The following CLRN1 variants were observed in gnomAD, a reference collection of about 807,000 sequenced individuals.
The protein encoded by CLRN1 is clarin-1.
Under a neutral mutation model 18.7 loss-of-function variants are expected in CLRN1, and 15 were observed. That is an observed-to-expected ratio of 0.80 (90% CI 0.54 to 1.23). The LOEUF is 1.23. Ranked by LOEUF, CLRN1 falls within the 50% of genes most tolerant of loss-of-function variation. The pLI, the probability that CLRN1 is intolerant of heterozygous loss-of-function variation, is 0.00. For synonymous variants in CLRN1, 104 were observed against 102.9 expected, an observed-to-expected ratio of 1.01 and a Z score of -0.07; for missense variants, 311 against 277.5, an observed-to-expected ratio of 1.12 and a Z score of -0.86.
At chr3:150,930,632 G>A (rs1022059339) in intron 2 of CLRN1, among the ~76,000 whole-genome samples, 1 of 152,144 alleles carries the variant, frequency 6.6e-6, no homozygotes, top group Admixed American at 6.5e-5. Flanking sequence ...CAAAAAGGCT[G>A]CAGTGCTGTT....
At chr3:150,936,647 A>T (rs1407339452) in intron 2 of CLRN1, among the ~76,000 whole-genome samples, 2 of 152,198 alleles carry the variant, frequency 1.3e-5, no homozygotes, top group Non-Finnish European at 2.9e-5. Context: ...AGAGAGGTAA[A>T]TCAGCTATCA....
intron 1 of CLRN1, among the ~76,000 whole-genome samples, chr3:150,958,887 T>C (rs564805883): frequency 6.6e-6 from 1 of 152,324 alleles, no homozygotes; most frequent in Non-Finnish European, 1.5e-5. Context: ...CAGTTCCAGG[T>C]CAGCGAATTT....
rs781589419 is a variant in CLRN1, at chr3:150,926,648, G to C, written c.*1288C>G. 1 of 833,828 alleles carries C rather than the reference G, an allele frequency of 1.2e-6. No homozygotes were observed. The highest frequency in any genetic ancestry group is 2.0e-5 in the Admixed American group (1 of 50,030). The allele number at this position is 833,828 out of a possible 1,614,324, so 51.7% of individuals were successfully genotyped here. On this transcript the variant is annotated 3_prime_UTR_variant, in exon 3 of 3. Transcript: ENST00000327047. ...AGAGCAAGTTATTTCTCAGGTATACGGTTGTTTCATCCTTGTAAATAGTTC... is the reference window on the plus strand; with the variant it reads ...AGAGCAAGTTATTTCTCAGGTATACCGTTGTTTCATCCTTGTAAATAGTTC...
At chr3:150,943,785 A>G (rs779414305) in intron 1 of CLRN1, 4 of 1,613,704 alleles carry the variant, frequency 2.5e-6, no homozygotes, top group Non-Finnish European at 3.4e-6. Context: ...ATTGTAACAC[A>G]CCCTCTGGGG....
chr3:150,966,640 TA>T (rs1477998505), intron 1 of CLRN1, among the ~76,000 whole-genome samples: 4 of 152,214 alleles, frequency 2.6e-5, no homozygotes, highest in Admixed American at 6.5e-5. Context: ...TCCCTTTCTT[TA>T]ACATGCAATT....
chr3:150,955,507 C>T (rs1714694889), intron 1 of CLRN1, among the ~76,000 whole-genome samples: 1 of 152,052 alleles, frequency 6.6e-6, no homozygotes, highest in African/African-American at 2.4e-5. Flanking sequence ...TGATAGGACC[C>T]AGTGTGTTTT....
intron 1 of CLRN1, among the ~76,000 whole-genome samples, chr3:150,964,519 C>T (rs1397837374): frequency 6.6e-6 from 1 of 152,116 alleles, no homozygotes; most frequent in Non-Finnish European, 1.5e-5. Context: ...GACCTAGAAC[C>T]AGAAATGCCA....
In CLRN1 at chr3:150,943,089, C is replaced by T. The variant is rs561200609; in HGVS notation, c.254-1328G>A. Among the ~76,000 whole-genome samples the T allele has an allele frequency of 3.9e-5, 6 of 152,188 alleles. No homozygotes were observed. In the South Asian group the frequency reaches 8.3e-4, roughly 21 times the overall value. On this transcript the variant is annotated intron_variant, in intron 1 of 2. Coordinates refer to ENST00000327047, the MANE Select transcript of CLRN1 (RefSeq NM_174878.3). ...AGGAGAGACCCTATCAAGAACTGTC[C>T]GGGTGAATTAGTAAATTTTTGTTTT...
intron 1 of CLRN1, chr3:150,943,892 C>G: frequency 1.9e-6 from 3 of 1,613,892 alleles, no homozygotes; most frequent in Non-Finnish European, 2.5e-6. Context: ...TTCCTGCACT[C>G]GTTCACTCGT....
At position 150,931,712 on chromosome 3, in the gene CLRN1, C is replaced by A. The variant is rs117409695; in HGVS notation, c.434-3511G>T. Among the ~76,000 whole-genome samples, 4 of 152,318 alleles carry A rather than the reference C, an allele frequency of 2.6e-5. No homozygotes were observed. In the East Asian group the frequency reaches 7.7e-4, roughly 29 times the overall value. On this transcript the variant is annotated intron_variant, in intron 2 of 2. Transcript: ENST00000327047. ...GAAGAGAAGTGGGTTTTCATTCATA[C>A]TCTTGCCCAAGACTTCACAAACGGT...
intron 1 of CLRN1, among the ~76,000 whole-genome samples, chr3:150,942,051 A>G (rs1451968969): frequency 6.6e-6 from 1 of 152,022 alleles, no homozygotes; most frequent in African/African-American, 2.4e-5. Flanking sequence ...TTATAACCCA[A>G]ATCTGTACAT....
intron 2 of CLRN1, among the ~76,000 whole-genome samples, chr3:150,935,964 T>C (rs945091788): frequency 3.3e-5 from 5 of 151,898 alleles, no homozygotes; most frequent in Non-Finnish European, 5.9e-5. Flanking sequence ...TGTCTGTTCA[T>C]GTCCTTCACC....
At chr3:150,936,408 T>A (rs963487456) in intron 2 of CLRN1, among the ~76,000 whole-genome samples, 2 of 152,186 alleles carry the variant, frequency 1.3e-5, no homozygotes, top group African/African-American at 4.8e-5. Flanking sequence ...AGACTCGATG[T>A]GCCCCAAATG....
intron 1 of CLRN1, among the ~76,000 whole-genome samples, chr3:150,960,967 G>C (rs544123788): frequency 6.6e-6 from 1 of 152,346 alleles, no homozygotes; most frequent in South Asian, 2.1e-4. Flanking sequence ...GGCAGATTTG[G>C]AAACAGGGGA....
In CLRN1 at chr3:150,972,417, C is replaced by A. The variant is rs7644922; in HGVS notation, c.253+39G>T. ...TCCTCGCAACACTGGGAAGAGTCTG[C>A]CTAAAGCATTAAATAACTCAAATGC... On this transcript the variant is annotated intron_variant, in intron 1 of 2. Transcript: ENST00000327047. 5.1e-3 allele frequency: 8,204 copies of A among 1,613,918 alleles called. 330 individuals are homozygous for A. In the African/African-American group the frequency reaches 0.093, roughly 18 times the overall value.
intron 2 of CLRN1, among the ~76,000 whole-genome samples, chr3:150,935,360 G>A (rs1047710444): frequency 5.6e-5 from 8 of 142,956 alleles, no homozygotes; most frequent in Middle Eastern, 3.6e-3. Context: ...TGTTCTCATC[G>A]TTCAATTCCC....
At chr3:150,931,391 G>C (rs1713135809) in intron 2 of CLRN1, among the ~76,000 whole-genome samples, 1 of 152,188 alleles carries the variant, frequency 6.6e-6, no homozygotes, top group Non-Finnish European at 1.5e-5. Context: ...CTCTCTTCTG[G>C]AGAGGTTCCT....
intron 2 of CLRN1, among the ~76,000 whole-genome samples, chr3:150,937,977 T>C (rs1344745240): frequency 6.6e-6 from 1 of 152,152 alleles, no homozygotes; most frequent in African/African-American, 2.4e-5. Context: ...TTCTTTTCCC[T>C]TCCCTTCCCT....
At chr3:150,952,967 C>T (rs1179169511) in intron 1 of CLRN1, among the ~76,000 whole-genome samples, 1 of 152,164 alleles carries the variant, frequency 6.6e-6, no homozygotes, top group African/African-American at 2.4e-5. Context: ...AATCAAAAAT[C>T]CCCAAGTCTG....
Sources: gnomAD v4.1 joint callset for allele counts (sites outside exome capture counted in the v4.1 genomes callset) on GRCh38, gnomAD v4.1.1 for gene constraint, MANE v1.5 for transcripts, NCBI Gene and HGNC (gene_info 2026-07-23, HGNC 2026-07-21) for gene names.